PLCG2: variants seen among roughly 807,000 people sequenced by gnomAD.
The protein encoded by PLCG2 is phospholipase C gamma 2.
In PLCG2, 69 loss-of-function variants were observed where a neutral mutation model predicts 175.6. The ratio of observed to expected loss-of-function variants is 0.39; its 90% CI spans 0.32 to 0.48. PLCG2 has a LOEUF of 0.48. Among genes scored for constraint, PLCG2 ranks in the 20% least tolerant of loss-of-function variants. The pLI is 0.91. For missense variants in PLCG2, 1,798 were observed against 1,650.9 expected, an observed-to-expected ratio of 1.09 and a Z score of -1.54; for synonymous variants, 827 against 624.0, an observed-to-expected ratio of 1.33 and a Z score of -4.85.
At chr16:81,768,964 A>G (rs961993925) in intron 2 of PLCG2, among the ~76,000 whole-genome samples, 8 of 152,220 alleles carry the variant, frequency 5.3e-5, no homozygotes, top group African/African-American at 1.9e-4. Context: ...CTGACAGAGA[A>G]TAAATCTTTC....
At chr16:81,920,239 A>G (rs1910007074) in intron 20 of PLCG2, among the ~76,000 whole-genome samples, 1 of 152,208 alleles carries the variant, frequency 6.6e-6, no homozygotes, top group Admixed American at 6.5e-5. Context: ...TTCTGGGTGC[A>G]GGAGAGACCT....
At chr16:81,842,274 C>T (rs1363320381) in intron 2 of PLCG2, among the ~76,000 whole-genome samples, 3 of 152,220 alleles carry the variant, frequency 2.0e-5, no homozygotes, top group Admixed American at 6.5e-5. Context: ...AGAAGCCTTT[C>T]TTCCCCTTGC....
chr16:81,762,369 G>C (rs1203387093), intron 2 of PLCG2, among the ~76,000 whole-genome samples: 1 of 151,956 alleles, frequency 6.6e-6, no homozygotes. Flanking sequence ...AGGAGTTCAA[G>C]ACCAGCCTGG....
intron 7 of PLCG2, among the ~76,000 whole-genome samples, chr16:81,878,300 A>T (rs993534068): frequency 4.6e-5 from 7 of 151,864 alleles, no homozygotes. Context: ...TCCCTCTTTT[A>T]AGAAGCCAGG....
At chr16:81,865,298 G>A (rs1907173624) in intron 5 of PLCG2, among the ~76,000 whole-genome samples, 1 of 152,264 alleles carries the variant, frequency 6.6e-6, no homozygotes, top group African/African-American at 2.4e-5. Context: ...TTCCTCCCCT[G>A]CAGCGATGGG....
rs561725223 is a variant in PLCG2, at chr16:81,873,927, G to C, written c.648+2992G>C. On this transcript the variant is annotated intron_variant, in intron 7 of 32. Coordinates refer to ENST00000564138, the MANE Select transcript of PLCG2 (RefSeq NM_002661.5). The stretch of plus-strand genomic sequence containing the variant: ...TTATGGCTCTTATTAAGGCTAGTCT[G>C]TGTGTTTGTGTCTATGAGGGAGAAA... Among the ~76,000 whole-genome samples the C allele has an allele frequency of 2.0e-4, 30 of 152,266 alleles. No individual in the cohort carries two copies. In the South Asian group the frequency reaches 6.0e-3, roughly 30 times the overall value.
At position 81,877,034 on chromosome 16, in the gene PLCG2, G is replaced by C. The variant is rs556937089; in HGVS notation, c.649-3876G>C. 3.9e-5 allele frequency among the ~76,000 whole-genome samples: 6 copies of C among 152,294 alleles called. No individual in the cohort carries two copies. The South Asian group carries it at 1.2e-3, about 32-fold the overall frequency. ...GCCTGTTTCTTGTTTCTGAAATGGG[G>C]CTTATTTTACTACCTGATGGGATCA... is the stretch of plus-strand genomic sequence containing the variant. On this transcript the variant is annotated intron_variant, in intron 7 of 32. Transcript: ENST00000564138.
At chr16:81,836,845 C>T (rs979608542) in intron 2 of PLCG2, among the ~76,000 whole-genome samples, 6 of 152,230 alleles carry the variant, frequency 3.9e-5, no homozygotes, top group Non-Finnish European at 7.3e-5. Context: ...GCCTCCCCAC[C>T]TGTGGAAGGA....
At chr16:81,806,442 C>T (rs1308184134) in intron 2 of PLCG2, among the ~76,000 whole-genome samples, 2 of 151,902 alleles carry the variant, frequency 1.3e-5, no homozygotes, top group Non-Finnish European at 2.9e-5. Flanking sequence ...GATTGCTGGG[C>T]CCGAGCATCC....
chr16:81,751,219 G>T (rs1488240752), intron 1 of PLCG2, among the ~76,000 whole-genome samples: 1 of 151,826 alleles, frequency 6.6e-6, no homozygotes, highest in African/African-American at 2.4e-5. Flanking sequence ...GACCTCAGGT[G>T]ATCCACCTGC....
intron 2 of PLCG2, among the ~76,000 whole-genome samples, chr16:81,804,875 G>A (rs1911921195): frequency 6.6e-6 from 1 of 152,212 alleles, no homozygotes; most frequent in Admixed American, 6.5e-5. Flanking sequence ...GAGCAGTATT[G>A]AGCATCTGCC....
chr16:81,764,827 A>G (rs1597306661), intron 2 of PLCG2, among the ~76,000 whole-genome samples: 1 of 152,088 alleles, frequency 6.6e-6, no homozygotes, highest in South Asian at 2.1e-4. Context: ...TGGTGGTTCA[A>G]TCCCGTAATC....
At chr16:81,808,865 G>A (rs1904294597) in intron 2 of PLCG2, among the ~76,000 whole-genome samples, 1 of 152,180 alleles carries the variant, frequency 6.6e-6, no homozygotes, top group Non-Finnish European at 1.5e-5. Flanking sequence ...TGCAAAATGG[G>A]GCTTATCAGA....
intron 2 of PLCG2, among the ~76,000 whole-genome samples, chr16:81,762,417 A>C (rs1049497164): frequency 6.6e-6 from 1 of 151,912 alleles, no homozygotes; most frequent in Non-Finnish European, 1.5e-5. Flanking sequence ...AAAAACACAA[A>C]AATTAGCCTG....
At position 81,810,609 on chromosome 16, in the gene PLCG2, C is replaced by T. The variant is rs79773699; in HGVS notation, c.193+24427C>T. Among the ~76,000 whole-genome samples, 6 of 151,402 alleles carry T rather than the reference C, an allele frequency of 4.0e-5. No homozygotes were observed. The East Asian group carries it at 7.8e-4, about 20-fold the overall frequency. ...TTTTGCAAACAGGTGTCCTTTCTGC[C>T]GTCCACTTAGTGCCTTATTTTCTGC... On this transcript the variant is annotated intron_variant, in intron 2 of 32. Coordinates refer to ENST00000564138, the MANE Select transcript of PLCG2 (RefSeq NM_002661.5).
At chr16:81,817,242 C>G (rs1904593100) in intron 2 of PLCG2, among the ~76,000 whole-genome samples, 1 of 152,138 alleles carries the variant, frequency 6.6e-6, no homozygotes, top group African/African-American at 2.4e-5. Context: ...GGGAAGAATC[C>G]TCTAGGTGGA....
rs180691563 is a variant in PLCG2 at position 81,812,285 on chromosome 16, G to A, written c.193+26103G>A. On this transcript the variant is annotated intron_variant, in intron 2 of 32. Transcript: ENST00000564138. Reference sequence around the variant, plus strand: ...AGGATGGTCTTGATCTCCTGACCTCGTGATCCACACGCCTCAGCCTCCCAC... The same window carrying A: ...AGGATGGTCTTGATCTCCTGACCTCATGATCCACACGCCTCAGCCTCCCAC... Among the ~76,000 whole-genome samples the A allele has an allele frequency of 4.6e-5, 7 of 152,018 alleles. No homozygotes were observed. The East Asian group carries it at 5.8e-4, about 13-fold the overall frequency.
chr16:81,859,958 C>T (rs1427003305), intron 5 of PLCG2, among the ~76,000 whole-genome samples: 1 of 151,986 alleles, frequency 6.6e-6, no homozygotes, highest in Non-Finnish European at 1.5e-5. Context: ...CTGCACAAAG[C>T]TCTATGACGG....
Position 81,907,664 on chromosome 16 carries a change from A to C in PLCG2, c.1468-21A>C, listed in dbSNP as rs200425954. On this transcript the variant is annotated intron_variant, in intron 15 of 32. Transcript: ENST00000564138. ...TGAGGTAGAGGACTTGGGGGGCACT[A>C]ATACCAGTTTCACTTTCTAGAAATG... 28 of 1,586,190 alleles carry C rather than the reference A, an allele frequency of 1.8e-5. No homozygotes were observed. In the East Asian group the frequency reaches 6.3e-4, roughly 35 times the overall value.
Sources: allele counts gnomAD v4.1 joint callset (sites outside exome capture counted in the v4.1 genomes callset), GRCh38; gene constraint gnomAD v4.1.1; transcripts MANE v1.5; gene names NCBI Gene and HGNC (gene_info 2026-07-23, HGNC 2026-07-21).